Variants in COMMD10 observed in about 807,000 individuals in gnomAD.
COMMD10 encodes COMM domain containing 10.
Under a neutral mutation model 28.9 loss-of-function variants are expected in COMMD10, and 33 were observed. That is an observed-to-expected ratio of 1.14 (90% CI 0.87 to 1.53). The LOEUF is 1.53. Ranked by LOEUF, COMMD10 falls within the 40% of genes most tolerant of loss-of-function variation. The pLI is 0.00. For missense variants in COMMD10, 310 were observed against 233.4 expected, an observed-to-expected ratio of 1.33 and a Z score of -2.14; for synonymous variants, 110 against 81.7, an observed-to-expected ratio of 1.35 and a Z score of -1.87.
intron 5 of COMMD10, among the ~76,000 whole-genome samples, chr5:116,287,984 T>G (rs748455833): frequency 6.6e-6 from 1 of 151,796 alleles, no homozygotes; most frequent in Non-Finnish European, 1.5e-5. Context: ...ATTTACAGTA[T>G]TACGTATTAC....
At chr5:116,162,229 T>C (rs922747805) in intron 5 of COMMD10, among the ~76,000 whole-genome samples, 7 of 152,214 alleles carry the variant, frequency 4.6e-5, no homozygotes, top group African/African-American at 1.7e-4. Context: ...TTTCCAGTTA[T>C]ACAGAAGTTG....
chr5:116,276,801 C>G lies in COMMD10; in HGVS notation c.511-14716C>G, dbSNP rs914145553. ...ATCCCATTTAAAATTGATAGGATTT[C>G]CAGAGTAAGCAAATCTGTTAGAACA... On this transcript the variant is annotated intron_variant, in intron 5 of 6. Coordinates refer to ENST00000274458, the MANE Select transcript of COMMD10 (RefSeq NM_016144.4). Among the ~76,000 whole-genome samples, 11 of 151,632 alleles carry G rather than the reference C, an allele frequency of 7.3e-5. 1 individual carries two copies. The highest frequency in any genetic ancestry group is 2.7e-4 in the African/African-American group (11 of 41,060).
intron 5 of COMMD10, among the ~76,000 whole-genome samples, chr5:116,195,653 A>G (rs1239391759): frequency 1.3e-5 from 2 of 152,206 alleles, no homozygotes; most frequent in African/African-American, 4.8e-5. Flanking sequence ...ACTGAAAGAA[A>G]TCATAGATGA....
intron 5 of COMMD10, among the ~76,000 whole-genome samples, chr5:116,259,634 T>G (rs963987196): frequency 6.6e-6 from 1 of 151,750 alleles, no homozygotes; most frequent in African/African-American, 2.4e-5. Context: ...TGAGAATCCC[T>G]TTTTACTTCT....
intron 5 of COMMD10, among the ~76,000 whole-genome samples, chr5:116,270,204 A>T (rs908498402): frequency 2.0e-5 from 3 of 151,918 alleles, no homozygotes; most frequent in Non-Finnish European, 2.9e-5. Flanking sequence ...CTTTAACTGG[A>T]TGCTTTATTT....
chr5:116,191,915 C>T (rs573340090), intron 5 of COMMD10, among the ~76,000 whole-genome samples: 2 of 151,426 alleles, frequency 1.3e-5, no homozygotes, highest in South Asian at 4.2e-4. Context: ...CTCCCACCCC[C>T]CACTAACTCC....
chr5:116,269,991 T>C (rs1750712374), intron 5 of COMMD10, among the ~76,000 whole-genome samples: 2 of 151,912 alleles, frequency 1.3e-5, no homozygotes, highest in South Asian at 2.1e-4. Flanking sequence ...GCCATTTTTA[T>C]TGTTATTTTC....
intron 5 of COMMD10, among the ~76,000 whole-genome samples, chr5:116,168,340 G>A (rs1419852128): frequency 6.6e-6 from 1 of 152,058 alleles, no homozygotes; most frequent in African/African-American, 2.4e-5. Context: ...CATAAAGCAA[G>A]TTCTTAGAGA....
chr5:116,188,524 G>T (rs1017812167), intron 5 of COMMD10: 1 of 151,808 alleles, frequency 6.6e-6, no homozygotes, highest in Non-Finnish European at 1.5e-5. Flanking sequence ...TCCAATTTTA[G>T]CATATATGCT....
At chr5:116,166,315 C>A (rs1753096793) in intron 5 of COMMD10, among the ~76,000 whole-genome samples, 1 of 152,108 alleles carries the variant, frequency 6.6e-6, no homozygotes, top group Non-Finnish European at 1.5e-5. Flanking sequence ...CTTCTAATTA[C>A]AAGTATAAGA....
At chr5:116,147,527 A>C (rs569876098) in intron 5 of COMMD10, among the ~76,000 whole-genome samples, 189 of 152,014 alleles carry the variant, frequency 1.2e-3, no homozygotes, top group African/African-American at 4.4e-3. Context: ...TTGGTTGACT[A>C]TCTGAAATTG....
chr5:116,195,086 G>A (rs1748473240), intron 5 of COMMD10, among the ~76,000 whole-genome samples: 1 of 152,090 alleles, frequency 6.6e-6, no homozygotes, highest in Non-Finnish European at 1.5e-5. Context: ...CTCAATCGAT[G>A]CAGAAAAAGC....
At chr5:116,210,101 C>G (rs1462529881) in intron 5 of COMMD10, among the ~76,000 whole-genome samples, 1 of 152,048 alleles carries the variant, frequency 6.6e-6, no homozygotes, top group Non-Finnish European at 1.5e-5. Context: ...CTTTTTATAA[C>G]TACCTACTTC....
At chr5:116,195,244 A>G (rs1488084028) in intron 5 of COMMD10, among the ~76,000 whole-genome samples, 1 of 152,166 alleles carries the variant, frequency 6.6e-6, no homozygotes, top group Non-Finnish European at 1.5e-5. Context: ...ATTTCCTCTG[A>G]GAACTGGAAC....
At chr5:116,106,406 A>T (rs1310011778) in intron 4 of COMMD10, among the ~76,000 whole-genome samples, 1 of 152,054 alleles carries the variant, frequency 6.6e-6, no homozygotes, top group Non-Finnish European at 1.5e-5. Flanking sequence ...ACTTCCAATT[A>T]TGTGGTCAAT....
chr5:116,222,625 T>A (rs779016131), intron 5 of COMMD10, among the ~76,000 whole-genome samples: 4 of 152,186 alleles, frequency 2.6e-5, no homozygotes, highest in Non-Finnish European at 4.4e-5. Flanking sequence ...TCTCAGTTTT[T>A]CATTTTGGCC....
At chr5:116,166,502 G>C (rs745987687) in intron 5 of COMMD10, among the ~76,000 whole-genome samples, 1 of 152,204 alleles carries the variant, frequency 6.6e-6, no homozygotes, top group Non-Finnish European at 1.5e-5. Flanking sequence ...TTAAGGGACA[G>C]ACTGCCTCCT....
intron 5 of COMMD10, among the ~76,000 whole-genome samples, chr5:116,142,481 A>G (rs1752225199): frequency 6.6e-6 from 1 of 151,802 alleles, no homozygotes; most frequent in South Asian, 2.1e-4. Context: ...AAAGGGTATA[A>G]ACCAAAATAA....
chr5:116,132,683 A>G (rs754552390), intron 4 of COMMD10, among the ~76,000 whole-genome samples: 33 of 152,136 alleles, frequency 2.2e-4, no homozygotes, highest in Non-Finnish European at 4.4e-4. Flanking sequence ...TTTTTTATAT[A>G]TGAGAATGGT....
Sources: gnomAD v4.1 joint callset for allele counts (sites outside exome capture counted in the v4.1 genomes callset) on GRCh38, gnomAD v4.1.1 for gene constraint, MANE v1.5 for transcripts, NCBI Gene and HGNC (gene_info 2026-07-23, HGNC 2026-07-21) for gene names.